Variants in CEP164 observed in about 807,000 individuals in gnomAD.
CEP164 encodes centrosomal protein of 164 kDa.
Under a neutral mutation model 182.7 loss-of-function variants are expected in CEP164, and 162 were observed. The ratio of observed to expected loss-of-function variants is 0.89; its 90% confidence interval spans 0.78 to 1.01. The LOEUF (loss-of-function observed/expected upper bound fraction) is 1.01. Ranked by LOEUF, CEP164 falls within the 50% of genes least tolerant of loss-of-function variation. The pLI, the probability that CEP164 is intolerant of heterozygous loss-of-function variation, is 0.00. For synonymous variants in CEP164, 661 were observed against 690.0 expected (o/e 0.96, Z 0.66); for missense variants, 1,735 against 1,790.4 (o/e 0.97, Z 0.56).
intron 12 of CEP164, among the ~76,000 whole-genome samples, chr11:117,381,225 A>G (rs2043280473): frequency 6.6e-6 from 1 of 152,214 alleles, no homozygotes; most frequent in African/African-American, 2.4e-5. Flanking sequence ...GAGCCCCATG[A>G]CAAGGGCTGC....
At chr11:117,328,974 C>T (rs906942202) in intron 1 of CEP164, among the ~76,000 whole-genome samples, 1 of 152,246 alleles carries the variant, frequency 6.6e-6, no homozygotes, top group Non-Finnish European at 1.5e-5. Flanking sequence ...TCCATCCTCA[C>T]AGACACTGAC....
intron 2 of CEP164, chr11:117,336,659 C>T (rs906800645): frequency 1.0e-5 from 10 of 987,246 alleles, no homozygotes; most frequent in African/African-American, 9.5e-5. Context: ...AGCCTTTCCA[C>T]GGCTGCCTGG....
At chr11:117,377,945 C>T (rs2042924222) in intron 11 of CEP164, among the ~76,000 whole-genome samples, 2 of 152,020 alleles carry the variant, frequency 1.3e-5, no homozygotes, top group African/African-American at 2.4e-5. Context: ...CTGCAACCTC[C>T]ATCTCCTGGG....
chr11:117,392,693 CCGGCCTAG>C (rs2136363335), intron 19 of CEP164, 66 bp downstream of exon 19: 1 of 1,562,326 alleles, frequency 6.4e-7, no homozygotes, highest in East Asian at 2.3e-5. Context: ...GTCAGCTGAG[CCGGCCTAG>C]CCTCAGCGGC....
chr11:117,389,817 G>T (rs1200281302), intron 15 of CEP164, among the ~76,000 whole-genome samples: 4 of 152,146 alleles, frequency 2.6e-5, no homozygotes, highest in Non-Finnish European at 5.9e-5. Context: ...GAAAGAATGT[G>T]GAATCTGGTT....
intron 15 of CEP164, among the ~76,000 whole-genome samples, chr11:117,390,001 G>T (rs571475001): frequency 2.7e-5 from 4 of 147,556 alleles, no homozygotes; most frequent in African/African-American, 1.0e-4. Flanking sequence ...GGAGTGCTGT[G>T]GTGTGATCTC....
intron 7 of CEP164, among the ~76,000 whole-genome samples, chr11:117,362,920 C>T (rs369986543): frequency 1.5e-3 from 227 of 152,278 alleles, no homozygotes; most frequent in Non-Finnish European, 2.6e-3. Context: ...CAATGTTTGT[C>T]CTTTTGTGTC....
chr11:117,405,029 T>G (rs1482073691), intron 27 of CEP164, among the ~76,000 whole-genome samples: 1 of 152,164 alleles, frequency 6.6e-6, no homozygotes, highest in Non-Finnish European at 1.5e-5. Context: ...GCATCCCAGG[T>G]CTACTTCAGA....
At position 117,409,780 on chromosome 11, in the gene CEP164, G is replaced by A. The variant is rs149668786; in HGVS notation, c.3911G>A (p.Arg1304Gln). The A allele has an allele frequency of 4.2e-5, 67 of 1,613,492 alleles. No homozygotes were observed. The highest frequency in any genetic ancestry group is 8.9e-5 in the East Asian group (4 of 44,862). ...LASMPAQLPP[R>Q]DPKSTPTPTY... is the part of the protein sequence containing the mutation. Reference sequence around the variant, plus strand: ...TCCATGCCAGCCCAGCTCCCTCCCCGGGACCCTAAGAGCACCCCCACCCCC... The same window carrying A: ...TCCATGCCAGCCCAGCTCCCTCCCCAGGACCCTAAGAGCACCCCCACCCCC... The change falls in exon 30 of 33, where the codon CGG (arginine) becomes CAG (glutamine). Residue 1304 changes from arginine (R) to glutamine (Q), a missense_variant. Coordinates refer to ENST00000278935, the MANE Select transcript of CEP164 (RefSeq NM_014956.5). The surrounding 1 kb of genome is among the most constrained non-coding windows in gnomAD (Gnocchi z 4.4).
At chr11:117,372,181 C>A (rs1195722153) in intron 9 of CEP164, among the ~76,000 whole-genome samples, 1 of 150,120 alleles carries the variant, frequency 6.7e-6, no homozygotes, top group African/African-American at 2.5e-5. Flanking sequence ...AATCTTGGCT[C>A]ACTGCAACCT....
intron 3 of CEP164, among the ~76,000 whole-genome samples, chr11:117,343,832 T>C (rs1369688544): frequency 6.6e-6 from 1 of 152,062 alleles, no homozygotes; most frequent in Admixed American, 6.6e-5. Context: ...GGTTTCACCA[T>C]GTTGGCCAGG....
At position 117,351,822 on chromosome 11, in the gene CEP164, A is replaced by C. The variant is rs1212761737; in HGVS notation, c.227A>C (p.Asn76Thr). 6.2e-7 allele frequency: 1 copy of C among 1,612,990 alleles called. No individual in the cohort carries two copies. Among genetic ancestry groups the C allele is most frequent in the African/African-American group, 1.3e-5 (1 of 74,572 alleles). Reference sequence around the variant, plus strand: ...ATCACAGGTGACATTTACTATTTCAACTTCGCCAACGGGCAGTCTATGTGG... The same window carrying C: ...ATCACAGGTGACATTTACTATTTCACCTTCGCCAACGGGCAGTCTATGTGG... ...QDITGDIYYF[N>T]FANGQSMWDH... The change falls in exon 5 of 33, where the codon AAC (asparagine) becomes ACC (threonine). Residue 76 changes from asparagine to threonine, a missense_variant. Transcript: ENST00000278935.
In CEP164 at chr11:117,395,603, G is replaced by A. The variant is rs768355304; in HGVS notation, c.2970G>A (p.Leu990=). 2.5e-6 allele frequency: 4 copies of A among 1,613,950 alleles called. No homozygotes were observed. The highest frequency in any genetic ancestry group is 3.4e-6 in the Non-Finnish European group (4 of 1,179,984). The stretch of plus-strand genomic sequence containing the variant: ...AGGCACAGAAGGAGCACACCCACCT[G>A]TTGCAGTCAAACCAGCAGCTCCGAG... The part of the protein sequence containing the change: ...LEEAQKEHTH[L]LQSNQQLREI... Residue 990 remains leucine, a synonymous_variant, in exon 24 of 33, where the codon CTG becomes CTA. Transcript: ENST00000278935.
Position 117,354,901 on chromosome 11 carries a change from G to A in CEP164, c.393+2913G>A, listed in dbSNP as rs1047084260. On this transcript the variant is annotated intron_variant, in intron 5 of 32. Transcript: ENST00000278935. ...TGTAAATCAGAAGTGCTTTGTCTTCGTTTTCTCTGCATGTTTATATACCCA... is the reference window on the plus strand; with the variant it reads ...TGTAAATCAGAAGTGCTTTGTCTTCATTTTCTCTGCATGTTTATATACCCA... 1.5e-5 allele frequency: 18 copies of A among 1,232,258 alleles called. No individual in the cohort carries two copies. In the Admixed American group the frequency reaches 1.7e-4, roughly 12 times the overall value. 76.3% of individuals were successfully genotyped at this position (1,232,258 alleles called of 1,614,324 possible). A position where few individuals can be genotyped will look rare whatever the true frequency, so the allele number is the denominator to read the frequency against.
intron 20 of CEP164, among the ~76,000 whole-genome samples, chr11:117,393,609 C>CA (rs1194071601): frequency 3.2e-4 from 48 of 152,274 alleles, no homozygotes; most frequent in African/African-American, 1.1e-3. Context: ...CACACCCAGC[C>CA]AATAAGTAGA....
At chr11:117,356,085 A>G in intron 5 of CEP164, 1 of 1,083,020 alleles carries the variant, frequency 9.2e-7, no homozygotes, top group Non-Finnish European at 1.1e-6. Flanking sequence ...TTCCCTTGGA[A>G]CCTGCAGAGC....
chr11:117,338,452 A>C, intron 2 of CEP164, 114 bp from the exon 3 acceptor site: 2 of 742,148 alleles, frequency 2.7e-6, no homozygotes, highest in Non-Finnish European at 4.6e-6. Context: ...GCCCTGGCCA[A>C]ATTGCTCTGC....
intron 5 of CEP164, among the ~76,000 whole-genome samples, chr11:117,353,454 G>T (rs557463494): frequency 6.6e-6 from 1 of 152,328 alleles, no homozygotes; most frequent in African/African-American, 2.4e-5. Context: ...ATTATTTGAA[G>T]TGGTAGTCAG....
chr11:117,354,937 G>A lies in CEP164; in HGVS notation c.393+2949G>A, dbSNP rs370850033. 4.7e-6 allele frequency: 6 copies of A among 1,279,788 alleles called. No homozygotes were observed. The East Asian group carries it at 2.8e-4, about 59-fold the overall frequency. 79.3% of individuals were successfully genotyped at this position (1,279,788 alleles called of 1,614,324 possible). ...ATGTTTATATACCCATCTAGGAAAC[G>A]CAGCCTGAGGAGGGACTTCTGCCTC... On this transcript the variant is annotated intron_variant, in intron 5 of 32. Coordinates refer to ENST00000278935, the MANE Select transcript of CEP164 (RefSeq NM_014956.5).
Sources: gnomAD v4.1 joint callset for allele counts (sites outside exome capture counted in the v4.1 genomes callset) on GRCh38, gnomAD v4.1.1 for gene constraint, Gnocchi (gnomAD v3.1) non-coding constraint, MANE v1.5 for transcripts, NCBI Gene and HGNC (gene_info 2026-07-23, HGNC 2026-07-21) for gene names.